ZFHX3: variants seen among roughly 807,000 people sequenced by gnomAD.
ZFHX3 encodes the protein zinc finger homeobox 3.
ZFHX3 carries 42 observed loss-of-function variants against 279.1 expected under a neutral mutation model. The ratio of observed to expected loss-of-function variants is 0.15; its 90% confidence interval spans 0.12 to 0.19. The LOEUF (loss-of-function observed/expected upper bound fraction) is 0.19. Ranked by LOEUF, ZFHX3 falls within the 10% of genes least tolerant of loss-of-function variation. The probability of loss-of-function intolerance (pLI) is 1.00; values close to 1 mark genes in which losing one functional copy is unlikely to be tolerated. For synonymous variants in ZFHX3, 2,293 were observed against 1,957.8 expected, an observed-to-expected ratio of 1.17 and a Z score of -4.52; for missense variants, 4,981 against 4,754.0, an observed-to-expected ratio of 1.05 and a Z score of -1.40.
At chr16:73,788,061 C>T (rs943728823) in intron 1 of ZFHX3, among the ~76,000 whole-genome samples, 2 of 152,028 alleles carry the variant, frequency 1.3e-5, no homozygotes, top group African/African-American at 2.4e-5. Context: ...AGCTAAAAAA[C>T]AACATGGTGC....
At chr16:72,902,393 G>A (rs1367345356) in intron 3 of ZFHX3, among the ~76,000 whole-genome samples, 2 of 152,132 alleles carry the variant, frequency 1.3e-5, no homozygotes, top group African/African-American at 4.8e-5. Flanking sequence ...GAGGCCCAGA[G>A]GGAGGTAACA....
At chr16:73,011,497 C>T (rs776858921) in intron 1 of ZFHX3, among the ~76,000 whole-genome samples, 1 of 151,576 alleles carries the variant, frequency 6.6e-6, no homozygotes, top group African/African-American at 2.4e-5. Context: ...AATCCCAGTA[C>T]TTTGGGAGGC....
intron 9 of ZFHX3, chr16:72,791,709 C>T (rs2035709923): frequency 6.6e-6 from 1 of 152,228 alleles, no homozygotes. Context: ...TTAAATGCTT[C>T]TCTATTTTCC....
Position 73,669,136 on chromosome 16 carries a change from C to A in ZFHX3, c.-1547+11044G>T, listed in dbSNP as rs1272838461. Among the ~76,000 whole-genome samples, 5 of 151,822 alleles carry A rather than the reference C, an allele frequency of 3.3e-5. 1 individual carries two copies. Among genetic ancestry groups the A allele is most frequent in the Admixed American group, 3.3e-4 (5 of 15,236 alleles). ...TGGTGCGATCTGGGCTCACTGCAAC[C>A]ACTGCCTCCCGGGCTCAAGCAATTC... On this transcript the variant is annotated intron_variant, in intron 2 of 17. Coordinates refer to the ZFHX3 transcript ENST00000641206.
chr16:73,606,794 C>A (rs2052189555), intron 2 of ZFHX3, among the ~76,000 whole-genome samples: 1 of 152,100 alleles, frequency 6.6e-6, no homozygotes, highest in African/African-American at 2.4e-5. Flanking sequence ...CATGTGTTCT[C>A]ATTGGTCAGT....
intron 1 of ZFHX3, among the ~76,000 whole-genome samples, chr16:72,994,636 G>A (rs1470088456): frequency 2.0e-5 from 3 of 152,208 alleles, no homozygotes; most frequent in East Asian, 1.9e-4. Flanking sequence ...CAGCTGGCCC[G>A]CACATCTGCA....
At chr16:73,140,391 G>T (rs1386987925) in intron 6 of ZFHX3, among the ~76,000 whole-genome samples, 3 of 152,168 alleles carry the variant, frequency 2.0e-5, no homozygotes, top group African/African-American at 7.2e-5. Context: ...TCATTAAGAG[G>T]AATATTTTTG....
At chr16:73,412,079 C>T (rs950159341) in intron 3 of ZFHX3, among the ~76,000 whole-genome samples, 1 of 152,244 alleles carries the variant, frequency 6.6e-6, no homozygotes, top group East Asian at 1.9e-4. Context: ...GTAATCCCAG[C>T]ACTTGGGAGA....
chr16:73,540,258 G>A (rs1235775743), intron 2 of ZFHX3, among the ~76,000 whole-genome samples: 1 of 152,210 alleles, frequency 6.6e-6, no homozygotes, highest in Non-Finnish European at 1.5e-5. Flanking sequence ...GCTAGGCGAA[G>A]TCCTAGATGA....
chr16:73,504,259 C>T (rs1424131682), intron 2 of ZFHX3: 2 of 152,094 alleles, frequency 1.3e-5, no homozygotes, highest in Admixed American at 6.5e-5. Context: ...TAAACAGTGG[C>T]TGGAGGATGA....
intron 4 of ZFHX3, among the ~76,000 whole-genome samples, chr16:73,266,925 C>T (rs11863559): frequency 0.083 from 12,622 of 152,212 alleles, 602 homozygotes; most frequent in African/African-American, 0.13. Context: ...TTGCGTATGT[C>T]TTTATCAGCA....
chr16:73,251,439 T>G (rs181920255), intron 5 of ZFHX3, among the ~76,000 whole-genome samples: 5 of 152,306 alleles, frequency 3.3e-5, no homozygotes, highest in Admixed American at 2.0e-4. Context: ...TATTTGGTCA[T>G]CATGATAATC....
intron 7 of ZFHX3, chr16:73,093,860 G>A: frequency 1.0e-5 from 3 of 286,890 alleles, no homozygotes; most frequent in Non-Finnish European, 2.1e-5. Flanking sequence ...GAATTTTAGG[G>A]CTTAGAAAAA....
chr16:73,523,016 C>A (rs1053027284), intron 2 of ZFHX3, among the ~76,000 whole-genome samples: 1 of 152,128 alleles, frequency 6.6e-6, no homozygotes, highest in Non-Finnish European at 1.5e-5. Context: ...CCCACTGGGT[C>A]CCTCCCACAA....
intron 8 of ZFHX3, among the ~76,000 whole-genome samples, chr16:73,072,901 T>A (rs1432462653): frequency 7.5e-6 from 1 of 134,036 alleles, no homozygotes; most frequent in African/African-American, 3.0e-5. Context: ...TCTTTTTCTA[T>A]TTTTTTTTTT....
intron 1 of ZFHX3, among the ~76,000 whole-genome samples, chr16:73,762,500 T>C (rs1175513315): frequency 6.6e-6 from 1 of 152,198 alleles, no homozygotes; most frequent in Non-Finnish European, 1.5e-5. Flanking sequence ...GTAATATAAA[T>C]TATTCTATTA....
chr16:73,188,871 T>A (rs1202923034), intron 5 of ZFHX3, among the ~76,000 whole-genome samples: 1 of 151,490 alleles, frequency 6.6e-6, no homozygotes. Flanking sequence ...TTTTTCTTTT[T>A]TTTTTTTTTT....
chr16:73,018,536 C>T (rs1263690013), intron 1 of ZFHX3, among the ~76,000 whole-genome samples: 1 of 152,062 alleles, frequency 6.6e-6, no homozygotes, highest in Admixed American at 6.5e-5. Context: ...GAGGCAGAGA[C>T]TGCAGTGAGC....
intron 1 of ZFHX3, among the ~76,000 whole-genome samples, chr16:73,794,595 C>A (rs1442489970): frequency 6.6e-6 from 1 of 152,122 alleles, no homozygotes. Context: ...AGGGACCCCC[C>A]CTTTGCAAAT....
Sources: allele counts gnomAD v4.1 joint callset (sites outside exome capture counted in the v4.1 genomes callset), GRCh38; gene constraint gnomAD v4.1.1; transcripts MANE v1.5; gene names NCBI Gene and HGNC (gene_info 2026-07-23, HGNC 2026-07-21).